The following PLPPR1 variants were observed in gnomAD, a reference collection of about 807,000 sequenced individuals.
The protein encoded by PLPPR1 is phospholipid phosphatase related 1.
Under a neutral mutation model 33.1 loss-of-function variants are expected in PLPPR1, and 10 were observed. The observed-to-expected ratio is 0.30, with a 90% confidence interval of 0.19 to 0.51. PLPPR1 has a LOEUF of 0.51. Among genes scored for constraint, PLPPR1 ranks in the 20% least tolerant of loss-of-function variants. The pLI is 0.97. For synonymous variants in PLPPR1, 151 were observed against 151.0 expected, an observed-to-expected ratio of 1.00 and a Z score of 0.00; for missense variants, 304 against 408.1, an observed-to-expected ratio of 0.74 and a Z score of 2.20.
rs370522441 is a variant in PLPPR1, at chr9:101,324,109, C to T, written c.*52C>T. 1 of 1,449,974 alleles carries T rather than the reference C, an allele frequency of 6.9e-7. No homozygotes were observed. The highest frequency in any genetic ancestry group is 1.2e-5 in the South Asian group (1 of 86,172). The allele number at this position is 1,449,974 out of a possible 1,614,324, so 89.8% of individuals were successfully genotyped here. Reference sequence around the variant, plus strand: ...TTTAAAATCATCTTCCAATTCTATACTTCAAAACACACAGTTGCTCAATGT... The same window carrying T: ...TTTAAAATCATCTTCCAATTCTATATTTCAAAACACACAGTTGCTCAATGT... On this transcript the variant is annotated 3_prime_UTR_variant, in exon 8 of 8. Coordinates refer to ENST00000374874, the MANE Select transcript of PLPPR1 (RefSeq NM_207299.2).
intron 2 of PLPPR1, among the ~76,000 whole-genome samples, chr9:101,197,130 G>A (rs1311554069): frequency 3.3e-5 from 5 of 152,148 alleles, no homozygotes; most frequent in Non-Finnish European, 7.4e-5. Context: ...TGTTCATGAA[G>A]CAGTCTCTTG....
intron 1 of PLPPR1, among the ~76,000 whole-genome samples, chr9:101,048,923 G>A (rs537170356): frequency 6.6e-6 from 1 of 152,284 alleles, no homozygotes; most frequent in African/African-American, 2.4e-5. Context: ...AATAAAAAAA[G>A]AGCAAAGTGT....
At chr9:101,223,204 G>A (rs1407292888) in intron 2 of PLPPR1, among the ~76,000 whole-genome samples, 1 of 151,020 alleles carries the variant, frequency 6.6e-6, no homozygotes, top group Admixed American at 6.6e-5. Flanking sequence ...GGCACCATGG[G>A]ATGAGCCTGT....
intron 2 of PLPPR1, among the ~76,000 whole-genome samples, chr9:101,193,330 C>T (rs1485492247): frequency 6.6e-6 from 1 of 152,142 alleles, no homozygotes; most frequent in African/African-American, 2.4e-5. Context: ...AATGGTTCAT[C>T]CTTCTCTCCC....
At chr9:101,102,890 T>G (rs1411459818) in intron 1 of PLPPR1, among the ~76,000 whole-genome samples, 1 of 73,744 alleles carries the variant, frequency 1.4e-5, no homozygotes, top group Non-Finnish European at 2.5e-5. Context: ...ATTTCTCTGA[T>G]GGCCAGTGAT....
At chr9:101,274,845 T>G (rs1362487855) in intron 3 of PLPPR1, among the ~76,000 whole-genome samples, 1 of 152,220 alleles carries the variant, frequency 6.6e-6, no homozygotes, top group East Asian at 1.9e-4. Flanking sequence ...TGACCTCTGA[T>G]AAGCCATGTT....
intron 1 of PLPPR1, among the ~76,000 whole-genome samples, chr9:101,043,316 T>C (rs1442251440): frequency 6.6e-6 from 1 of 151,756 alleles, no homozygotes; most frequent in African/African-American, 2.4e-5. Context: ...TATATGTGTA[T>C]ATACACACGT....
intron 2 of PLPPR1, among the ~76,000 whole-genome samples, chr9:101,264,523 AC>A (rs1174785237): frequency 1.3e-5 from 2 of 152,034 alleles, no homozygotes; most frequent in Non-Finnish European, 1.5e-5. Context: ...ACAACCTCCT[AC>A]AGAAGACTTG....
chr9:101,062,443 C>A (rs1830358907), intron 1 of PLPPR1, among the ~76,000 whole-genome samples: 1 of 151,926 alleles, frequency 6.6e-6, no homozygotes, highest in African/African-American at 2.4e-5. Flanking sequence ...TATTGGTAGA[C>A]CTGAGTTTTG....
chr9:101,200,557 C>A (rs1826473848), intron 2 of PLPPR1, among the ~76,000 whole-genome samples: 1 of 152,200 alleles, frequency 6.6e-6, no homozygotes, highest in Non-Finnish European at 1.5e-5. Flanking sequence ...TGAATTAAAT[C>A]TGAGAGCTAT....
intron 1 of PLPPR1, among the ~76,000 whole-genome samples, chr9:101,161,527 A>G (rs62575705): frequency 0.048 from 7,308 of 152,130 alleles, 217 homozygotes; most frequent in Middle Eastern, 0.075. Context: ...CAAGTTATGG[A>G]CCTACTCTAG....
At chr9:101,030,888 G>A (rs1364333529) in intron 1 of PLPPR1, among the ~76,000 whole-genome samples, 1 of 149,542 alleles carries the variant, frequency 6.7e-6, no homozygotes, top group Admixed American at 6.7e-5. Context: ...ACTTATGAAA[G>A]TGATCTTCAC....
intron 1 of PLPPR1, among the ~76,000 whole-genome samples, chr9:101,182,546 C>T (rs1333375764): frequency 2.6e-5 from 4 of 151,580 alleles, no homozygotes; most frequent in Non-Finnish European, 5.9e-5. Context: ...CTAATGGGAA[C>T]AGGGCTTGCT....
chr9:101,094,684 C>A (rs539385547), intron 1 of PLPPR1, among the ~76,000 whole-genome samples: 13 of 152,260 alleles, frequency 8.5e-5, no homozygotes, highest in Non-Finnish European at 1.6e-4. Context: ...AGGCACTGTT[C>A]TAAACACTGC....
At chr9:101,031,466 G>A (rs1829943875) in intron 1 of PLPPR1, among the ~76,000 whole-genome samples, 1 of 152,142 alleles carries the variant, frequency 6.6e-6, no homozygotes, top group Non-Finnish European at 1.5e-5. Context: ...GTTCTGTATT[G>A]TACTATGAGC....
At chr9:101,189,465 T>C (rs937624336) in intron 2 of PLPPR1, among the ~76,000 whole-genome samples, 2 of 151,688 alleles carry the variant, frequency 1.3e-5, no homozygotes, top group African/African-American at 4.8e-5. Flanking sequence ...CAACTTTTCC[T>C]GAATTCCAAA....
chr9:101,227,831 C>T (rs1318095321), intron 2 of PLPPR1, among the ~76,000 whole-genome samples: 1 of 152,146 alleles, frequency 6.6e-6, no homozygotes, highest in East Asian at 1.9e-4. Context: ...GGCTGGAGTG[C>T]AGTGGTGTGA....
intron 4 of PLPPR1, among the ~76,000 whole-genome samples, chr9:101,295,306 ACAAACAAATGGAAGAACATTC>A: frequency 6.6e-6 from 1 of 152,150 alleles, no homozygotes; most frequent in South Asian, 2.1e-4. Flanking sequence ...AAAAGAGGAT[ACAAACAAATGGAAGAACATTC>A]CATGCTCATG....
chr9:101,194,860 G>T (rs554691855), intron 2 of PLPPR1, among the ~76,000 whole-genome samples: 5 of 152,116 alleles, frequency 3.3e-5, no homozygotes, highest in African/African-American at 1.2e-4. Context: ...GCAGATGTTA[G>T]GAAATTGGAC....
Sources: gnomAD v4.1 joint callset for allele counts (sites outside exome capture counted in the v4.1 genomes callset) on GRCh38, gnomAD v4.1.1 for gene constraint, MANE v1.5 for transcripts, NCBI Gene and HGNC (gene_info 2026-07-23, HGNC 2026-07-21) for gene names.